Variants in PPFIBP2 observed in about 807,000 individuals in gnomAD.
PPFIBP2 encodes the protein PPFIB scaffold protein 2.
Under a neutral mutation model 118.3 loss-of-function variants are expected in PPFIBP2, and 118 were observed. The observed-to-expected ratio is 1.00, with a 90% CI of 0.86 to 1.16. PPFIBP2 has a LOEUF of 1.16. Ranked by LOEUF, PPFIBP2 falls within the 50% of genes most tolerant of loss-of-function variation. The probability of loss-of-function intolerance (pLI) is 0.00; values close to 1 mark genes in which losing one functional copy is unlikely to be tolerated. For missense variants in PPFIBP2, 1,195 were observed against 1,073.1 expected, an observed-to-expected ratio of 1.11 and a Z score of -1.59; for synonymous variants, 414 against 397.4, an observed-to-expected ratio of 1.04 and a Z score of -0.50.
chr11:7,590,465 C>T (rs1859043421), intron 3 of PPFIBP2, among the ~76,000 whole-genome samples: 1 of 152,140 alleles, frequency 6.6e-6, no homozygotes, highest in Admixed American at 6.6e-5. Flanking sequence ...GTCTGCCATG[C>T]ACACCACTGC....
intron 6 of PPFIBP2, among the ~76,000 whole-genome samples, chr11:7,612,831 G>GTA (rs755633110): frequency 6.6e-6 from 1 of 152,200 alleles, no homozygotes; most frequent in Non-Finnish European, 1.5e-5. Context: ...ATCTTTGCTG[G>GTA]TATGCACAGA....
rs1166391303 is a variant in PPFIBP2 at position 7,556,725 on chromosome 11, G to A, written c.64+7186G>A. Among the ~76,000 whole-genome samples the A allele has an allele frequency of 2.0e-5, 3 of 152,264 alleles. No homozygotes were observed. The East Asian group carries it at 5.8e-4, about 29-fold the overall frequency. ...CGTCATTTGAAAAATGTCCTTAAAT[G>A]TTCATAATCTTGAATGATAGTTTAT... On this transcript the variant is annotated intron_variant, in intron 2 of 23. Transcript: ENST00000299492.
intron 2 of PPFIBP2, among the ~76,000 whole-genome samples, chr11:7,558,753 CAAAA>C (rs573342518): frequency 7.5e-6 from 1 of 133,668 alleles, no homozygotes; most frequent in African/African-American, 2.6e-5. Context: ...AACTCTGTCT[CAAAA>C]AAAAAAAAAG....
intron 1 of PPFIBP2, among the ~76,000 whole-genome samples, chr11:7,544,114 T>A (rs1235925420): frequency 6.6e-6 from 1 of 152,152 alleles, no homozygotes; most frequent in Non-Finnish European, 1.5e-5. Context: ...AGCACACACA[T>A]AGGCCTGTGA....
chr11:7,629,638 G>A, intron 10 of PPFIBP2, 104 bp downstream of exon 10: 1 of 1,102,478 alleles, frequency 9.1e-7, no homozygotes, highest in Non-Finnish European at 1.4e-6. Context: ...CTGTTTCAGA[G>A]AAGACTCCCT....
chr11:7,586,227 A>G (rs1858154564), intron 3 of PPFIBP2, among the ~76,000 whole-genome samples: 1 of 152,110 alleles, frequency 6.6e-6, no homozygotes, highest in African/African-American at 2.4e-5. Context: ...ATCTTCATAG[A>G]TATTTCTTAG....
downstream of PPFIBP2, among the ~76,000 whole-genome samples, chr11:7,654,177 C>T (rs925101868): frequency 6.6e-6 from 1 of 152,224 alleles, no homozygotes; most frequent in East Asian, 1.9e-4. Context: ...CTTAGCTAGG[C>T]TCATAACCAT....
chr11:7,665,395 C>A, the PPFIBP2 span: 2 of 1,588,792 alleles, frequency 1.3e-6, no homozygotes, highest in South Asian at 2.3e-5. Context: ...AAATCATGTC[C>A]TGGGTATAAC....
chr11:7,628,312 G>T lies in PPFIBP2; in HGVS notation c.854G>T (p.Gly285Val). The T allele has an allele frequency of 6.2e-7, 1 of 1,613,910 alleles. No individual in the cohort carries two copies. The highest frequency in any genetic ancestry group is 1.1e-5 in the South Asian group (1 of 91,044). ...CAAGAAATTCAACGTCTGAAAATGG[G>T]GATGGAAACTTTGCTGCTTGCCAAT... Reference protein sequence around the residue: ...RDQEIQRLKMGMETLLLANED... With the variant: ...RDQEIQRLKMVMETLLLANED... Residue 285 changes from glycine to valine, a missense_variant, in exon 9 of 24, where the codon GGG (glycine) becomes GTG (valine). Physicochemically the swap from Gly to Val is moderately radical, Grantham distance 109. Coordinates refer to ENST00000299492, the MANE Select transcript of PPFIBP2 (RefSeq NM_003621.5).
In PPFIBP2 at chr11:7,607,146, G is replaced by T. The variant is rs187919827; in HGVS notation, c.487-3145G>T. On this transcript the variant is annotated intron_variant, in intron 5 of 23. Transcript: ENST00000299492. ...AGGATGGTCTCAATCTCCTGACCTC[G>T]TGATCCGCCCGCCTCGGCCTCCCAA... Among the ~76,000 whole-genome samples, 14 of 149,854 alleles carry T rather than the reference G, an allele frequency of 9.3e-5. No individual in the cohort carries two copies. The East Asian group carries it at 2.6e-3, about 28-fold the overall frequency.
chr11:7,575,742 A>G (rs1856229438), intron 3 of PPFIBP2, among the ~76,000 whole-genome samples: 1 of 152,242 alleles, frequency 6.6e-6, no homozygotes, highest in African/African-American at 2.4e-5. Flanking sequence ...TAGACAGAGA[A>G]AAACCAACCT....
intron 6 of PPFIBP2, among the ~76,000 whole-genome samples, chr11:7,612,510 A>G (rs1049576213): frequency 2.0e-5 from 3 of 152,240 alleles, no homozygotes; most frequent in African/African-American, 7.2e-5. Context: ...TCAGAAAGGA[A>G]GGAGAGCTCC....
At chr11:7,664,598 G>A in the PPFIBP2 span, among the ~76,000 whole-genome samples, 1 of 152,206 alleles carries the variant, frequency 6.6e-6, no homozygotes, top group African/African-American at 2.4e-5. Flanking sequence ...TTGAGAACCA[G>A]TAGGTGAGAG....
intron 1 of PPFIBP2, among the ~76,000 whole-genome samples, chr11:7,514,421 G>A (rs750011819): frequency 6.6e-6 from 1 of 152,218 alleles, no homozygotes; most frequent in Non-Finnish European, 1.5e-5. Context: ...CGTGGCCCTG[G>A]AGATGCGCAG....
chr11:7,641,012 C>A, intron 15 of PPFIBP2: 1 of 1,272,494 alleles, frequency 7.9e-7, no homozygotes, highest in Non-Finnish European at 1.0e-6. Flanking sequence ...TGTGGCTTCT[C>A]TGCTTCTTGG....
chr11:7,553,189 C>A (rs966383407), intron 2 of PPFIBP2, among the ~76,000 whole-genome samples: 1 of 151,864 alleles, frequency 6.6e-6, no homozygotes, highest in South Asian at 2.1e-4. Flanking sequence ...CTATTTTCAC[C>A]CTTGTTTCAC....
intron 1 of PPFIBP2, among the ~76,000 whole-genome samples, chr11:7,522,540 A>G (rs908947045): frequency 1.1e-4 from 16 of 152,196 alleles, no homozygotes; most frequent in Non-Finnish European, 2.1e-4. Context: ...CTGGGCTTCT[A>G]TCTTCTGTAG....
Position 7,641,507 on chromosome 11 carries a change from T to C in PPFIBP2, c.1404T>C (p.Thr468=), listed in dbSNP as rs750956054. Residue 468 remains threonine (T), a synonymous_variant, in exon 16 of 24, where the codon ACT becomes ACC. Transcript: ENST00000299492. The stretch of plus-strand genomic sequence containing the variant: ...ACACAGAAAGTGGCTGGGACGACAC[T>C]GCTGTGGTCAATGACCTCTCATCCA... The part of the protein sequence containing the change: ...LRDTESGWDD[T]AVVNDLSSTS... 6.2e-7 allele frequency: 1 copy of C among 1,613,804 alleles called. No homozygotes were observed. The highest frequency in any genetic ancestry group is 1.3e-5 in the African/African-American group (1 of 74,918).
intron 14 of PPFIBP2, among the ~76,000 whole-genome samples, chr11:7,639,437 C>T (rs1851846792): frequency 6.6e-6 from 1 of 152,204 alleles, no homozygotes; most frequent in South Asian, 2.1e-4. Flanking sequence ...CTAGGCCAGA[C>T]AGCAAAGGCC....
Sources: gnomAD v4.1 joint callset for allele counts (sites outside exome capture counted in the v4.1 genomes callset) on GRCh38, gnomAD v4.1.1 for gene constraint, MANE v1.5 for transcripts, NCBI Gene and HGNC (gene_info 2026-07-23, HGNC 2026-07-21) for gene names.